Variants in RHOBTB1 observed in about 807,000 individuals in gnomAD.
The protein encoded by RHOBTB1 is rho-related BTB domain-containing protein 1.
A neutral mutation model predicts 71.6 loss-of-function variants in RHOBTB1; 40 were observed. The ratio of observed to expected loss-of-function variants is 0.56; its 90% confidence interval spans 0.43 to 0.73. The LOEUF (loss-of-function observed/expected upper bound fraction) is 0.73. Ranked by LOEUF, RHOBTB1 falls within the 30% of genes least tolerant of loss-of-function variation. The pLI is 0.00. For missense variants in RHOBTB1, 797 were observed against 894.0 expected, an observed-to-expected ratio of 0.89 and a Z score of 1.38; for synonymous variants, 319 against 334.9, an observed-to-expected ratio of 0.95 and a Z score of 0.52.
At chr10:60,952,545 C>T (rs2134409272) in intron 2 of RHOBTB1, among the ~76,000 whole-genome samples, 1 of 152,292 alleles carries the variant, frequency 6.6e-6, no homozygotes, top group Admixed American at 6.5e-5. Context: ...GAGCAAGTCA[C>T]TTGCCACAGG....
chr10:60,987,918 AC>A (rs1565199569), intron 1 of RHOBTB1, among the ~76,000 whole-genome samples: 2 of 98,410 alleles, frequency 2.0e-5, no homozygotes, highest in African/African-American at 8.2e-5. Context: ...GAAATACTCA[AC>A]TTTTTTTTTT....
intron 2 of RHOBTB1, among the ~76,000 whole-genome samples, chr10:60,983,595 T>C (rs1267434151): frequency 6.6e-6 from 1 of 152,200 alleles, no homozygotes; most frequent in Non-Finnish European, 1.5e-5. Context: ...AATTTTTGAA[T>C]CTAAATGTAT....
chr10:60,881,848 T>C (rs1422451199), intron 7 of RHOBTB1, among the ~76,000 whole-genome samples: 1 of 152,168 alleles, frequency 6.6e-6, no homozygotes, highest in African/African-American at 2.4e-5. Flanking sequence ...ACACCCTCAA[T>C]GCCCTCAAAG....
At chr10:60,940,874 C>G (rs572399420) in intron 2 of RHOBTB1, among the ~76,000 whole-genome samples, 127 of 152,154 alleles carry the variant, frequency 8.3e-4, no homozygotes, top group African/African-American at 2.7e-3. Flanking sequence ...AGCCTTCTGG[C>G]AAGTATAATC....
At chr10:60,929,732 A>C (rs2084119966) in intron 2 of RHOBTB1, among the ~76,000 whole-genome samples, 1 of 152,180 alleles carries the variant, frequency 6.6e-6, no homozygotes, top group African/African-American at 2.4e-5. Flanking sequence ...AATGAAGAAA[A>C]CTTTTTAAGT....
At chr10:61,001,061 AGTGCGCGCGCGCGCACGCGTGTGTGT>A (rs1363897657) in intron 1 of RHOBTB1, among the ~76,000 whole-genome samples, 3 of 147,900 alleles carry the variant, frequency 2.0e-5, no homozygotes, top group Non-Finnish European at 4.5e-5. Flanking sequence ...TGTGTGTGTG[AGTGCGCGCGCGCGCACGCGTGTGTGT>A]GTGTGTGTGT....
intron 1 of RHOBTB1, among the ~76,000 whole-genome samples, chr10:60,992,139 A>G (rs937354976): frequency 5.9e-5 from 9 of 152,260 alleles, no homozygotes; most frequent in African/African-American, 2.2e-4. Flanking sequence ...CCTGGGGTAC[A>G]TTTTGCACAG....
chr10:60,892,680 G>C (rs576936526), intron 5 of RHOBTB1, 130 bp downstream of exon 5: 6 of 732,072 alleles, frequency 8.2e-6, no homozygotes, highest in East Asian at 2.8e-5. Context: ...TTTATGGGCT[G>C]ACTTAAAACC....
At chr10:60,908,870 C>G (rs1436224683) in intron 4 of RHOBTB1, among the ~76,000 whole-genome samples, 1 of 152,158 alleles carries the variant, frequency 6.6e-6, no homozygotes. Flanking sequence ...AAGCAAGGCC[C>G]TAAGGAGAAC....
At chr10:60,996,353 G>T (rs1020218199) in intron 1 of RHOBTB1, among the ~76,000 whole-genome samples, 2 of 152,062 alleles carry the variant, frequency 1.3e-5, no homozygotes, top group Non-Finnish European at 1.5e-5. Flanking sequence ...GAGGGAATCT[G>T]CCTCCTTTCA....
chr10:60,982,260 T>C (rs2086521928), intron 2 of RHOBTB1, among the ~76,000 whole-genome samples: 1 of 152,168 alleles, frequency 6.6e-6, no homozygotes, highest in Non-Finnish European at 1.5e-5. Context: ...CCACTTCAAG[T>C]AGGTAACTTA....
intron 2 of RHOBTB1, among the ~76,000 whole-genome samples, chr10:60,920,591 T>C (rs550998650): frequency 6.6e-6 from 1 of 152,052 alleles, no homozygotes; most frequent in East Asian, 1.9e-4. Flanking sequence ...ACTGCAGTGT[T>C]TAAGCAGAAG....
intron 1 of RHOBTB1, chr10:60,985,984 A>C (rs1255243975): frequency 6.6e-6 from 1 of 152,176 alleles, no homozygotes; most frequent in Non-Finnish European, 1.5e-5. Context: ...ATGTTTCACT[A>C]TCAAGAAGAA....
chr10:60,959,210 A>G (rs1465925833), intron 2 of RHOBTB1, among the ~76,000 whole-genome samples: 1 of 152,192 alleles, frequency 6.6e-6, no homozygotes, highest in Non-Finnish European at 1.5e-5. Flanking sequence ...TGTTTAAAGC[A>G]AGGGAAAGAC....
intron 1 of RHOBTB1, among the ~76,000 whole-genome samples, chr10:61,000,403 G>A (rs2087218841): frequency 6.6e-6 from 1 of 152,104 alleles, no homozygotes; most frequent in Non-Finnish European, 1.5e-5. Context: ...AACACCAGGG[G>A]AGACCTTCTC....
chr10:60,887,993 C>T (rs771140170), intron 6 of RHOBTB1, among the ~76,000 whole-genome samples: 13 of 152,112 alleles, frequency 8.5e-5, no homozygotes, highest in Non-Finnish European at 4.4e-5. Flanking sequence ...ACCTCTCTGT[C>T]CCTTGGTTTC....
chr10:60,996,926 A>T (rs12765639), intron 1 of RHOBTB1, among the ~76,000 whole-genome samples: 1 of 152,070 alleles, frequency 6.6e-6, no homozygotes, highest in Non-Finnish European at 1.5e-5. Context: ...AGAACAAGGG[A>T]CTTCACTATT....
upstream of RHOBTB1, among the ~76,000 whole-genome samples, chr10:60,948,680 C>T (rs143748416): frequency 5.3e-5 from 8 of 152,248 alleles, no homozygotes; most frequent in African/African-American, 1.4e-4. Context: ...GTTTGAAGCA[C>T]GAAAGAGAAT....
chr10:60,862,867 T>A, the RHOBTB1 span, among the ~76,000 whole-genome samples: 1 of 125,144 alleles, frequency 8.0e-6, no homozygotes, highest in Non-Finnish European at 1.7e-5. Flanking sequence ...CTCCCTCCCT[T>A]CCTTCCTTCC....
Sources: gnomAD v4.1 joint callset for allele counts (sites outside exome capture counted in the v4.1 genomes callset) on GRCh38, gnomAD v4.1.1 for gene constraint, MANE v1.5 for transcripts, NCBI Gene and HGNC (gene_info 2026-07-23, HGNC 2026-07-21) for gene names.